Variants in SPRY3 observed in about 807,000 individuals in gnomAD.
SPRY3 encodes sprouty RTK signaling antagonist 3, also known as protein sprouty homolog 3.
Under a neutral mutation model 20.2 loss-of-function variants are expected in SPRY3, and 15 were observed. That is an observed-to-expected ratio of 0.74 (90% CI 0.50 to 1.14). The LOEUF (loss-of-function observed/expected upper bound fraction) is 1.14, where lower values mean the gene tolerates loss of function less well. Ranked by LOEUF, SPRY3 falls within the 50% of genes most tolerant of loss-of-function variation. The pLI is 0.00. For missense variants in SPRY3, 364 were observed against 363.9 expected (o/e 1.00, Z 0.00); for synonymous variants, 143 against 136.5 (o/e 1.05, Z -0.33).
At chrX:155,721,578 C>CT (rs1320896310) in intron 2 of SPRY3, among the ~76,000 whole-genome samples, 1 of 151,854 alleles carries the variant, frequency 6.6e-6, no homozygotes, top group Non-Finnish European at 1.5e-5. Context: ...GAATAACATA[C>CT]TATGGAGCTC....
chrX:155,654,689 GTGTGT>G (rs1557352806), intron 1 of SPRY3, among the ~76,000 whole-genome samples: 1 of 509 alleles, frequency 2.0e-3, no homozygotes, highest in Non-Finnish European at 8.7e-3. Flanking sequence ...ATTCCATGGT[GTGTGT>G]GTGTGTGTGT....
chrX:155,654,686 GGTGTGTGTGTGTGTGTGTGTGT>G (rs3067500), intron 1 of SPRY3, among the ~76,000 whole-genome samples: 87 of 85,954 alleles, frequency 1.0e-3, no homozygotes, highest in East Asian at 6.7e-3. Flanking sequence ...AGTATTCCAT[GGTGTGTGTGTGTGTGTGTGTGT>G]GTGTGTGTGT....
intron 2 of SPRY3, among the ~76,000 whole-genome samples, chrX:155,704,855 A>G (rs2124535331): frequency 6.6e-6 from 1 of 151,792 alleles, no homozygotes; most frequent in African/African-American, 2.4e-5. Context: ...ACACAATGGA[A>G]TGATCATTTT....
At chrX:155,653,680 AGT>A (rs1312041185) in intron 1 of SPRY3, among the ~76,000 whole-genome samples, 1 of 112,335 alleles carries the variant, frequency 8.9e-6, no homozygotes, top group African/African-American at 3.2e-5. Context: ...GAAATTGGAA[AGT>A]GTGAGTCTTC....
intron 2 of SPRY3, among the ~76,000 whole-genome samples, chrX:155,736,277 C>T (rs900999931): frequency 5.9e-5 from 9 of 151,924 alleles, no homozygotes; most frequent in Non-Finnish European, 1.2e-4. Context: ...TTTGAACACT[C>T]TTCCTTTGTA....
intron 2 of SPRY3, among the ~76,000 whole-genome samples, chrX:155,766,700 A>G (rs1253954004): frequency 1.3e-5 from 2 of 152,180 alleles, no homozygotes; most frequent in Non-Finnish European, 2.9e-5. Context: ...AATTTACAGA[A>G]AGCTTTGTCC....
At chrX:155,685,486 T>C (rs1464890585) in intron 2 of SPRY3, among the ~76,000 whole-genome samples, 1 of 109,549 alleles carries the variant, frequency 9.1e-6, no homozygotes. Context: ...TCATAAGGGT[T>C]TGTTGTACAT....
At chrX:155,779,821 C>A (rs1211186869), downstream of SPRY3, 5 of 166,986 alleles carry the variant, frequency 3.0e-5, no homozygotes, top group Non-Finnish European at 7.3e-5. Flanking sequence ...TTCACATATA[C>A]AATAGTTCCC....
At chrX:155,675,124 A>G (rs782454481) in intron 2 of SPRY3, among the ~76,000 whole-genome samples, 1 of 112,093 alleles carries the variant, frequency 8.9e-6, no homozygotes, top group African/African-American at 3.2e-5. Flanking sequence ...AATACAAAAC[A>G]TTGTCAAATG....
chrX:155,773,113 T>C (rs1164553953), intron 3 of SPRY3, among the ~76,000 whole-genome samples: 2 of 151,816 alleles, frequency 1.3e-5, no homozygotes, highest in Non-Finnish European at 2.9e-5. Flanking sequence ...CTTGGTTTCC[T>C]TATACTCTTG....
intron 2 of SPRY3, among the ~76,000 whole-genome samples, chrX:155,662,248 A>G (rs1321100610): frequency 1.8e-5 from 2 of 110,596 alleles, no homozygotes; most frequent in African/African-American, 6.6e-5. Context: ...ACTGTAGTGT[A>G]TGTTCAGTAG....
intron 2 of SPRY3, among the ~76,000 whole-genome samples, chrX:155,685,906 T>C (rs1003094138): frequency 1.8e-5 from 2 of 111,133 alleles, no homozygotes; most frequent in African/African-American, 6.6e-5. Flanking sequence ...TAGCTGGGAC[T>C]ACAGGTGTGT....
chrX:155,630,235 G>A (rs1428287238), intron 1 of SPRY3, among the ~76,000 whole-genome samples: 1 of 111,558 alleles, frequency 9.0e-6, no homozygotes, highest in Non-Finnish European at 1.9e-5. Flanking sequence ...TCCTTCAATC[G>A]CCATACTAAA....
At chrX:155,720,607 A>G (rs2091051235) in intron 2 of SPRY3, among the ~76,000 whole-genome samples, 1 of 152,140 alleles carries the variant, frequency 6.6e-6, no homozygotes, top group African/African-American at 2.4e-5. Context: ...ACACAGAGAG[A>G]GAGAGACTCT....
intron 1 of SPRY3, among the ~76,000 whole-genome samples, chrX:155,643,854 AT>A (rs2067949749): frequency 9.0e-6 from 1 of 111,465 alleles, no homozygotes; most frequent in Admixed American, 9.5e-5. Context: ...TGCAGTTATT[AT>A]TTTCCATTGG....
chrX:155,633,659 G>A (rs1557350716), intron 1 of SPRY3, among the ~76,000 whole-genome samples: 1 of 111,203 alleles, frequency 9.0e-6, no homozygotes, highest in African/African-American at 3.3e-5. Flanking sequence ...CTTAAATGTG[G>A]GCTTATGGAG....
At chrX:155,750,590 T>G (rs928055406) in intron 2 of SPRY3, among the ~76,000 whole-genome samples, 2 of 151,662 alleles carry the variant, frequency 1.3e-5, no homozygotes, top group Admixed American at 1.3e-4. Flanking sequence ...TACCAACAGG[T>G]TAAGTAAGAT....
chrX:155,636,084 C>T (rs1425167164), intron 1 of SPRY3, among the ~76,000 whole-genome samples: 1 of 112,168 alleles, frequency 8.9e-6, no homozygotes, highest in Non-Finnish European at 1.9e-5. Flanking sequence ...ACAGGTTTTA[C>T]TTACCAGGGG....
chrX:155,660,761 C>CAT (rs1481067200), intron 2 of SPRY3, among the ~76,000 whole-genome samples: 3 of 108,512 alleles, frequency 2.8e-5, no homozygotes, highest in Non-Finnish European at 5.7e-5. Context: ...ATTCCTTTAT[C>CAT]ATATATATAC....
Sources: allele counts gnomAD v4.1 joint callset (sites outside exome capture counted in the v4.1 genomes callset), GRCh38; gene constraint gnomAD v4.1.1; transcripts MANE v1.5; gene names NCBI Gene and HGNC (gene_info 2026-07-23, HGNC 2026-07-21).